Variants in C5orf24 observed in about 807,000 individuals in gnomAD.
The protein encoded by C5orf24 is chromosome 5 open reading frame 24.
C5orf24 carries 4 observed loss-of-function variants against 9.8 expected under a neutral mutation model. That is an observed-to-expected ratio of 0.41 (90% confidence interval 0.20 to 0.93). The LOEUF is 0.93. Ranked by LOEUF, C5orf24 falls within the 40% of genes least tolerant of loss-of-function variation. The pLI, the probability that C5orf24 is intolerant of heterozygous loss-of-function variation, is 0.33. For synonymous variants in C5orf24, 73 were observed against 81.3 expected, an observed-to-expected ratio of 0.90 and a Z score of 0.55; for missense variants, 170 against 236.9, an observed-to-expected ratio of 0.72 and a Z score of 1.85.
chr5:134,847,109 AG>A (rs1756016945), intron 1 of C5orf24, among the ~76,000 whole-genome samples: 1 of 152,190 alleles, frequency 6.6e-6, no homozygotes, highest in Non-Finnish European at 1.5e-5. Context: ...GAGAAGAGAA[AG>A]GAATTGTTCT....
intron 1 of C5orf24, among the ~76,000 whole-genome samples, chr5:134,847,096 C>CAAGAG (rs1756016397): frequency 6.6e-6 from 1 of 152,078 alleles, no homozygotes; most frequent in Non-Finnish European, 1.5e-5. Context: ...CTGCCACATT[C>CAAGAG]AAGAGAAGAG....
At chr5:134,846,952 T>C (rs1396429948) in intron 1 of C5orf24, 1 of 152,194 alleles carries the variant, frequency 6.6e-6, no homozygotes, top group African/African-American at 2.4e-5. Context: ...TCTCTGAGAA[T>C]TACGTGATCT....
chr5:134,850,733 T>A (rs1561886341), intron 1 of C5orf24, among the ~76,000 whole-genome samples: 1 of 151,912 alleles, frequency 6.6e-6, no homozygotes, highest in African/African-American at 2.4e-5. Flanking sequence ...TGCCTCAGCC[T>A]CCTGAAGTGC....
chr5:134,850,937 T>TATATATATATACACAC (rs762710710), intron 1 of C5orf24, among the ~76,000 whole-genome samples: 2 of 147,052 alleles, frequency 1.4e-5, no homozygotes, highest in African/African-American at 5.0e-5. Context: ...TATATATATA[T>TATATATATATACACAC]ACACACACAC....
In C5orf24 at chr5:134,856,927, T is replaced by A; in HGVS notation, c.*1460T>A. The stretch of plus-strand genomic sequence containing the variant: ...TAAAAAATATGTTGGTTAGTTTAAT[T>A]AAAAATCTTATTGTGGGTCCAGTGA... On this transcript the variant is annotated 3_prime_UTR_variant, in exon 2 of 2. Transcript: ENST00000394976. 1.3e-5 allele frequency: 13 copies of A among 1,001,758 alleles called. No homozygotes were observed. The highest frequency in any genetic ancestry group is 1.6e-5 in the Non-Finnish European group (13 of 831,082). The allele number at this position is 1,001,758 out of a possible 1,614,324, so 62.1% of individuals were successfully genotyped here. A position where few individuals can be genotyped will look rare whatever the true frequency, so the allele number is the denominator to read the frequency against.
At position 134,857,693 on chromosome 5, in the gene C5orf24, T is replaced by C. The variant is rs1386228735; in HGVS notation, c.*2226T>C. ...CTTTATTCATATGTTCGTTACCTAC[T>C]CTGTACATGTATCTGTCATTTAGCT... On this transcript the variant is annotated 3_prime_UTR_variant, in exon 2 of 2. Transcript: ENST00000394976. The C allele has an allele frequency of 3.5e-6, 1 of 286,154 alleles. No homozygotes were observed. The highest frequency in any genetic ancestry group is 5.2e-5 in the Admixed American group (1 of 19,242). The allele number at this position is 286,154 out of a possible 1,614,324, so 17.7% of individuals were successfully genotyped here. A position where few individuals can be genotyped will look rare whatever the true frequency, so the allele number is the denominator to read the frequency against.
At chr5:134,852,773 A>C (rs1561887210) in intron 1 of C5orf24, among the ~76,000 whole-genome samples, 2 of 152,242 alleles carry the variant, frequency 1.3e-5, no homozygotes, top group South Asian at 4.1e-4. Flanking sequence ...ACGGTGGCTC[A>C]CGCCTATAAT....
upstream of C5orf24, among the ~76,000 whole-genome samples, chr5:134,844,673 C>CA (rs1241340078): frequency 3.9e-5 from 6 of 151,978 alleles, no homozygotes; most frequent in African/African-American, 9.7e-5. Flanking sequence ...CTCCGTCTGC[C>CA]AAAAAAATCC....
chr5:134,841,577 A>ACC (rs1755894244), upstream of C5orf24, among the ~76,000 whole-genome samples: 1 of 152,002 alleles, frequency 6.6e-6, no homozygotes. Context: ...ACAGAATGAG[A>ACC]CTGTCTCAAA....
At chr5:134,838,523 A>T in the C5orf24 span, among the ~76,000 whole-genome samples, 2 of 152,174 alleles carry the variant, frequency 1.3e-5, no homozygotes, top group African/African-American at 4.8e-5. Context: ...TACAAAAATT[A>T]GCCAGGCATG....
At chr5:134,853,837 CTG>C (rs1756235765) in intron 1 of C5orf24, among the ~76,000 whole-genome samples, 1 of 152,184 alleles carries the variant, frequency 6.6e-6, no homozygotes, top group East Asian at 1.9e-4. Flanking sequence ...AATCCCAACA[CTG>C]TGGAAGGCCG....
chr5:134,854,910 C>T lies in C5orf24; in HGVS notation c.10C>T (p.Pro4Ser). The T allele has an allele frequency of 1.2e-6, 2 of 1,613,854 alleles. No individual in the cohort carries two copies. Among genetic ancestry groups the T allele is most frequent in the Non-Finnish European group, 8.5e-7 (1 of 1,179,996 alleles). ...TTATTTTTGGTAGAAAATGATGCAT[C>T]CTGTTGCCAGCAGTAATCCAGCTTT... MMH[P>S]VASSNPAFCG... Residue 4 changes from proline to serine, a missense_variant, in exon 2 of 2, where the codon CCT becomes TCT. Transcript: ENST00000394976.
intron 1 of C5orf24, among the ~76,000 whole-genome samples, chr5:134,854,128 T>TA (rs1756244685): frequency 6.6e-6 from 1 of 152,244 alleles, no homozygotes; most frequent in South Asian, 2.1e-4. Flanking sequence ...GTTATCCATA[T>TA]TTTTGTAGTA....
chr5:134,848,594 G>A (rs539741796), intron 1 of C5orf24, among the ~76,000 whole-genome samples: 1 of 148,684 alleles, frequency 6.7e-6, no homozygotes, highest in South Asian at 2.1e-4. Flanking sequence ...CCGGGAGGTG[G>A]AGGTTGCGGT....
the C5orf24 span, among the ~76,000 whole-genome samples, chr5:134,840,554 G>A: frequency 2.6e-5 from 4 of 151,880 alleles, no homozygotes; most frequent in African/African-American, 4.8e-5. Context: ...ATATTTTGGG[G>A]ACAGAGTCTC....
In C5orf24 at chr5:134,854,880, G is replaced by C. The variant is rs767359794; in HGVS notation, c.-3-18G>C. 4 of 1,611,538 alleles carry C rather than the reference G, an allele frequency of 2.5e-6. No homozygotes were observed. Among genetic ancestry groups the C allele is most frequent in the African/African-American group, 1.3e-5 (1 of 74,842 alleles). Reference sequence around the variant, plus strand: ...TGTGTGTGTGTATTTATATATATTTGTCTTTTATTTTTGGTAGAAAATGAT... The same window carrying C: ...TGTGTGTGTGTATTTATATATATTTCTCTTTTATTTTTGGTAGAAAATGAT... On this transcript the variant is annotated intron_variant, in intron 1 of 1. Transcript: ENST00000394976.
chr5:134,857,304 TAATGCA>T lies in C5orf24; in HGVS notation c.*1840_*1845del, dbSNP rs747896664. On this transcript the variant is annotated 3_prime_UTR_variant, in exon 2 of 2. Transcript: ENST00000394976. The stretch of plus-strand genomic sequence containing the variant: ...ATGTTGTGTTTTTTGGGCTTGCTAT[TAATGCA>T]AACTCTGATTGCAAATGGATGTCAT... The T allele has an allele frequency of 1.8e-3, 2,765 of 1,517,466 alleles. 9 individuals carry two copies. Among genetic ancestry groups the T allele is most frequent in the Non-Finnish European group, 1.5e-3 (1,725 of 1,126,660 alleles). 94.0% of individuals were successfully genotyped at this position (1,517,466 alleles called of 1,614,324 possible).
At chr5:134,838,360 A>C in the C5orf24 span, among the ~76,000 whole-genome samples, 1 of 152,126 alleles carries the variant, frequency 6.6e-6, no homozygotes, top group Non-Finnish European at 1.5e-5. Flanking sequence ...AGATAAGTGG[A>C]ATAGTGTGAT....
upstream of C5orf24, chr5:134,845,792 GA>G (rs1237089206): frequency 6.6e-6 from 1 of 152,288 alleles, no homozygotes; most frequent in Non-Finnish European, 1.5e-5. Flanking sequence ...AGCCACTGGG[GA>G]CGGTCCACGC....
Sources: allele counts gnomAD v4.1 joint callset (sites outside exome capture counted in the v4.1 genomes callset), GRCh38; gene constraint gnomAD v4.1.1; transcripts MANE v1.5; gene names NCBI Gene and HGNC (gene_info 2026-07-23, HGNC 2026-07-21).